CLIC4: variants seen among roughly 807,000 people sequenced by gnomAD.
The protein encoded by CLIC4 is chloride intracellular channel protein 4.
CLIC4 carries 13 observed loss-of-function variants against 24.6 expected under a neutral mutation model. That is an observed-to-expected ratio of 0.53 (90% CI 0.34 to 0.84). The LOEUF is 0.84. Ranked by LOEUF, CLIC4 falls within the 40% of genes least tolerant of loss-of-function variation. The pLI is 0.01. For synonymous variants in CLIC4, 104 were observed against 111.3 expected (o/e 0.93, Z 0.41); for missense variants, 227 against 301.7 (o/e 0.75, Z 1.83).
intron 1 of CLIC4, among the ~76,000 whole-genome samples, chr1:24,747,079 C>T (rs1477690845): frequency 6.7e-6 from 1 of 148,410 alleles, no homozygotes; most frequent in Non-Finnish European, 1.5e-5. Context: ...GATTTTCTTT[C>T]AATTGTCAAT....
At chr1:24,756,062 C>T (rs1028564235) in intron 1 of CLIC4, among the ~76,000 whole-genome samples, 8 of 149,646 alleles carry the variant, frequency 5.3e-5, no homozygotes, top group African/African-American at 2.0e-4. Context: ...TGCAGTGACG[C>T]GATCTCTGCT....
At chr1:24,802,669 G>A (rs1261385813) in intron 2 of CLIC4, among the ~76,000 whole-genome samples, 1 of 148,668 alleles carries the variant, frequency 6.7e-6, no homozygotes, top group Non-Finnish European at 1.5e-5. Flanking sequence ...TTTATTTTAG[G>A]TTTGGTCTTT....
intron 4 of CLIC4, among the ~76,000 whole-genome samples, chr1:24,828,695 G>T (rs980033047): frequency 6.6e-6 from 1 of 150,626 alleles, no homozygotes; most frequent in Non-Finnish European, 1.5e-5. Context: ...GGGGCGGGGT[G>T]GGGGTGGGGC....
rs544229804 is a variant in CLIC4 at position 24,752,826 on chromosome 1, G to T, written c.72+7201G>T. 5.1e-4 allele frequency among the ~76,000 whole-genome samples: 77 copies of T among 152,234 alleles called. No individual in the cohort carries two copies. In the South Asian group the frequency reaches 0.015, roughly 30 times the overall value. On this transcript the variant is annotated intron_variant, in intron 1 of 5. Transcript: ENST00000374379. Reference sequence around the variant, plus strand: ...CAACCTCTGCTTCCCGGGTTCAAGCGATTCTTCTGCCTCAGCCTCTGGAGT... The same window carrying T: ...CAACCTCTGCTTCCCGGGTTCAAGCTATTCTTCTGCCTCAGCCTCTGGAGT...
intron 1 of CLIC4, among the ~76,000 whole-genome samples, chr1:24,761,565 G>A (rs756104390): frequency 3.9e-5 from 6 of 152,188 alleles, no homozygotes; most frequent in Non-Finnish European, 8.8e-5. Context: ...GCCACATCAT[G>A]GAGGGCCTTG....
At chr1:24,800,392 TG>T (rs1422723680) in intron 2 of CLIC4, among the ~76,000 whole-genome samples, 25 of 120,206 alleles carry the variant, frequency 2.1e-4, no homozygotes, top group African/African-American at 6.2e-4. Context: ...GGGAGGGAGG[TG>T]GGGGGGTCAG....
chr1:24,827,165 A>T, intron 4 of CLIC4, 49 bp downstream of exon 4: 1 of 1,119,188 alleles, frequency 8.9e-7, no homozygotes. Context: ...ACCCCAAACA[A>T]CAACAGGCTG....
intron 4 of CLIC4, among the ~76,000 whole-genome samples, chr1:24,830,607 CATG>C (rs1639830612): frequency 6.6e-6 from 1 of 152,186 alleles, no homozygotes; most frequent in African/African-American, 2.4e-5. Context: ...TTCCCACAAA[CATG>C]AAAGTATTCA....
At chr1:24,798,105 G>A (rs947469803) in intron 2 of CLIC4, 1 of 328,874 alleles carries the variant, frequency 3.0e-6, no homozygotes, top group Non-Finnish European at 5.6e-6. Flanking sequence ...GGAGCTAAGT[G>A]TTAGTGTGGA....
At chr1:24,788,475 A>G (rs1344379821) in intron 1 of CLIC4, among the ~76,000 whole-genome samples, 1 of 151,976 alleles carries the variant, frequency 6.6e-6, no homozygotes, top group Non-Finnish European at 1.5e-5. Context: ...TCCACGGGGG[A>G]TTGGTTCCAG....
chr1:24,800,669 GTC>G (rs1220717131), intron 2 of CLIC4, among the ~76,000 whole-genome samples: 1 of 152,204 alleles, frequency 6.6e-6, no homozygotes, highest in East Asian at 1.9e-4. Flanking sequence ...TGGTTGCCGT[GTC>G]TGTGTAGAAA....
chr1:24,825,482 T>G (rs1639778833), intron 3 of CLIC4, among the ~76,000 whole-genome samples: 1 of 152,192 alleles, frequency 6.6e-6, no homozygotes. Flanking sequence ...GATGTGTGGT[T>G]AATGTATGGC....
chr1:24,753,001 G>A (rs1377241652), intron 1 of CLIC4, among the ~76,000 whole-genome samples: 4 of 152,202 alleles, frequency 2.6e-5, no homozygotes, highest in Non-Finnish European at 4.4e-5. Context: ...GATTACAGGC[G>A]TGAGCCACCG....
chr1:24,820,782 TCCAAGTA>T (rs1639722304), intron 3 of CLIC4, among the ~76,000 whole-genome samples: 1 of 152,224 alleles, frequency 6.6e-6, no homozygotes, highest in Non-Finnish European at 1.5e-5. Context: ...TATAAATTCT[TCCAAGTA>T]TATATAAGTT....
chr1:24,821,443 A>G (rs1038049714), intron 3 of CLIC4, among the ~76,000 whole-genome samples: 3 of 152,166 alleles, frequency 2.0e-5, no homozygotes, highest in African/African-American at 7.2e-5. Flanking sequence ...GGTCTTTTTC[A>G]TTCAGTTTAA....
intron 2 of CLIC4, among the ~76,000 whole-genome samples, chr1:24,804,762 A>G (rs111268690): frequency 2.0e-5 from 3 of 152,190 alleles, no homozygotes; most frequent in African/African-American, 7.2e-5. Context: ...TGTTATCAGT[A>G]TACACTTTAC....
At position 24,842,522 on chromosome 1, in the gene CLIC4, C is replaced by T. The variant is rs1639954115; in HGVS notation, c.*1585C>T. On this transcript the variant is annotated 3_prime_UTR_variant, in exon 6 of 6. Coordinates refer to ENST00000374379, the MANE Select transcript of CLIC4 (RefSeq NM_013943.3). ...TTGATATGCTAACATTTAGTAAGCA[C>T]TGGCTTTATGAAAGCGGCTTTTTAT... The T allele has an allele frequency of 6.6e-6, 1 of 152,092 alleles. No homozygotes were observed. The highest frequency in any genetic ancestry group is 2.1e-4 in the South Asian group (1 of 4,824). 9.4% of individuals were successfully genotyped at this position (152,092 alleles called of 1,614,324 possible).
intron 2 of CLIC4, among the ~76,000 whole-genome samples, chr1:24,810,686 T>C (rs550584403): frequency 1.3e-5 from 2 of 151,778 alleles, no homozygotes; most frequent in Non-Finnish European, 2.9e-5. Flanking sequence ...GGTAGGAGAA[T>C]TGCTTGAGCC....
chr1:24,771,083 C>T (rs1218498898), intron 1 of CLIC4, among the ~76,000 whole-genome samples: 1 of 152,152 alleles, frequency 6.6e-6, no homozygotes, highest in Non-Finnish European at 1.5e-5. Flanking sequence ...GCAAGCATTC[C>T]TAAACACTCA....
Sources: gnomAD v4.1 joint callset for allele counts (sites outside exome capture counted in the v4.1 genomes callset) on GRCh38, gnomAD v4.1.1 for gene constraint, MANE v1.5 for transcripts, NCBI Gene and HGNC (gene_info 2026-07-23, HGNC 2026-07-21) for gene names.